MTM1: variants seen among roughly 807,000 people sequenced by gnomAD.
MTM1 encodes myotubularin.
A neutral mutation model predicts 52.1 loss-of-function variants in MTM1; 9 were observed. The ratio of observed to expected loss-of-function variants is 0.17; its 90% CI spans 0.10 to 0.30. The LOEUF (loss-of-function observed/expected upper bound fraction) is 0.30. MTM1 is among the 10% of genes least tolerant of loss of function. The probability of loss-of-function intolerance (pLI) is 1.00; values close to 1 mark genes in which losing one functional copy is unlikely to be tolerated. For synonymous variants in MTM1, 136 were observed against 163.8 expected (o/e 0.83, Z 1.29); for missense variants, 277 against 470.7 (o/e 0.59, Z 3.81).
chrX:150,661,908 T>C lies in MTM1; in HGVS notation c.1467+1424T>C, dbSNP rs2040227243. On this transcript the variant is annotated intron_variant, in intron 13 of 14. Coordinates refer to ENST00000370396, the MANE Select transcript of MTM1 (RefSeq NM_000252.3). ...GTATATTTGAAATTTGCTAAAATAA[T>C]AGATCTCAAGTGTTCTCACTGCAAA... Among the ~76,000 whole-genome samples the C allele has an allele frequency of 2.7e-5, 3 of 112,235 alleles. No homozygotes were observed. In the South Asian group the frequency reaches 1.1e-3, roughly 41 times the overall value.
At chrX:150,618,388 TG>T (rs2039420868) in intron 5 of MTM1, among the ~76,000 whole-genome samples, 1 of 111,866 alleles carries the variant, frequency 8.9e-6, no homozygotes, top group Non-Finnish European at 1.9e-5. Context: ...TGTGGTGGCT[TG>T]ACACCTGTAA....
upstream of MTM1, among the ~76,000 whole-genome samples, chrX:150,563,975 T>C (rs1473518234): frequency 8.9e-6 from 1 of 111,845 alleles, no homozygotes; most frequent in Non-Finnish European, 1.9e-5. Context: ...TATAGTATAA[T>C]GATTTGGGGG....
rs782248002 is a variant in MTM1, at chrX:150,642,240, AT to A, written c.678+830del. 6.6e-3 allele frequency among the ~76,000 whole-genome samples: 731 copies of A among 111,026 alleles called. 4 individuals are homozygous for A. Among genetic ancestry groups the A allele is most frequent in the African/African-American group, 0.022 (678 of 30,533 alleles). ...TATTGTCAGCCTAATATGAATTGTA[AT>A]TTTTTTTAATTCACTTGTTATACAC... On this transcript the variant is annotated intron_variant, in intron 8 of 14. Coordinates refer to ENST00000370396, the MANE Select transcript of MTM1 (RefSeq NM_000252.3).
intron 9 of MTM1, among the ~76,000 whole-genome samples, chrX:150,648,836 T>C (rs903114024): frequency 8.9e-6 from 1 of 112,732 alleles, no homozygotes; most frequent in Non-Finnish European, 1.9e-5. Flanking sequence ...TCATTGGTGT[T>C]TGCATAGCAG....
At chrX:150,569,926 T>C (rs1026051603) in intron 1 of MTM1, among the ~76,000 whole-genome samples, 3 of 111,916 alleles carry the variant, frequency 2.7e-5, no homozygotes, top group African/African-American at 9.8e-5. Context: ...CAAAATCAAA[T>C]CTACTTTTCA....
intron 1 of MTM1, among the ~76,000 whole-genome samples, chrX:150,577,032 G>A (rs782157907): frequency 5.3e-5 from 6 of 112,453 alleles, no homozygotes; most frequent in African/African-American, 9.7e-5. Flanking sequence ...GTGAACACTC[G>A]TAGTTCTTTG....
chrX:150,652,499 A>C (rs782297829), intron 10 of MTM1, among the ~76,000 whole-genome samples: 2 of 106,665 alleles, frequency 1.9e-5, no homozygotes, highest in East Asian at 5.8e-4. Context: ...TGATTGTACC[A>C]CTGCATTCCA....
intron 1 of MTM1, among the ~76,000 whole-genome samples, chrX:150,574,614 T>G (rs143248569): frequency 4.2e-3 from 473 of 112,514 alleles, no homozygotes; most frequent in Middle Eastern, 9.1e-3. Context: ...CAATGTGTCA[T>G]CGACATAATA....
At chrX:150,581,154 C>G (rs1000012678) in intron 1 of MTM1, among the ~76,000 whole-genome samples, 3 of 111,805 alleles carry the variant, frequency 2.7e-5, no homozygotes, top group Non-Finnish European at 3.8e-5. Context: ...GGCACCGGTG[C>G]TGTATGGAGC....
intron 1 of MTM1, among the ~76,000 whole-genome samples, chrX:150,573,476 C>G (rs1244334555): frequency 3.6e-5 from 4 of 112,647 alleles, no homozygotes; most frequent in Non-Finnish European, 5.6e-5. Flanking sequence ...CAAACCCTGA[C>G]AGCACACAGC....
intron 6 of MTM1, among the ~76,000 whole-genome samples, chrX:150,622,811 G>A (rs1401509400): frequency 9.0e-6 from 1 of 111,231 alleles, no homozygotes; most frequent in African/African-American, 3.3e-5. Context: ...AGAAACAGGT[G>A]GAAGAAAGGG....
intron 10 of MTM1, among the ~76,000 whole-genome samples, chrX:150,655,141 C>T (rs970689721): frequency 2.7e-5 from 3 of 109,535 alleles, no homozygotes; most frequent in Admixed American, 9.8e-5. Flanking sequence ...CTGGCTAACA[C>T]GATGAAACCC....
At chrX:150,603,881 G>T (rs781827736) in intron 4 of MTM1, among the ~76,000 whole-genome samples, 1 of 111,813 alleles carries the variant, frequency 8.9e-6, no homozygotes, top group South Asian at 3.8e-4. Context: ...TTTCCATGGT[G>T]CGGAGAGCGA....
chrX:150,599,434 G>A (rs929775178), intron 4 of MTM1, among the ~76,000 whole-genome samples: 1 of 111,685 alleles, frequency 9.0e-6, no homozygotes, highest in Non-Finnish European at 1.9e-5. Flanking sequence ...CAGCCTGAAG[G>A]GGAGGTATAT....
Position 150,571,766 on chromosome X carries a change from C to T in MTM1, c.-11+3104C>T, listed in dbSNP as rs144068097. Among the ~76,000 whole-genome samples the T allele has an allele frequency of 6.2e-3, 696 of 111,938 alleles. 5 individuals are homozygous for T. Among genetic ancestry groups the T allele is most frequent in the African/African-American group, 0.022 (667 of 30,758 alleles). On this transcript the variant is annotated intron_variant, in intron 1 of 14. Transcript: ENST00000370396. ...CCTCCGTTCTTGCAGTGCTATATTC[C>T]CTTTACCATTTGGACTTAGAAATTT...
intron 4 of MTM1, among the ~76,000 whole-genome samples, chrX:150,609,324 T>A (rs1344713264): frequency 9.0e-6 from 1 of 111,148 alleles, no homozygotes; most frequent in Non-Finnish European, 1.9e-5. Flanking sequence ...CTGGTAGAAT[T>A]GGAGTGGTTA....
At chrX:150,613,978 A>G (rs2039337431) in intron 4 of MTM1, among the ~76,000 whole-genome samples, 1 of 112,212 alleles carries the variant, frequency 8.9e-6, no homozygotes, top group African/African-American at 3.2e-5. Flanking sequence ...GTGGGGGAAT[A>G]CATATGTGTA....
chrX:150,592,963 C>T (rs2038912039), intron 2 of MTM1, among the ~76,000 whole-genome samples: 1 of 110,384 alleles, frequency 9.1e-6, no homozygotes, highest in African/African-American at 3.3e-5. Context: ...CCTGCCTCAG[C>T]CTCCCTAGTA....
intron 1 of MTM1, among the ~76,000 whole-genome samples, chrX:150,584,930 AT>A (rs782122566): frequency 9.0e-6 from 1 of 111,490 alleles, no homozygotes; most frequent in African/African-American, 3.3e-5. Flanking sequence ...TATTTGTATT[AT>A]TTTTTGTCAT....
Sources: allele counts gnomAD v4.1 joint callset (sites outside exome capture counted in the v4.1 genomes callset), GRCh38; gene constraint gnomAD v4.1.1; transcripts MANE v1.5; gene names NCBI Gene and HGNC (gene_info 2026-07-23, HGNC 2026-07-21).